The following CYP4Z1 variants were observed in gnomAD, a reference collection of about 807,000 sequenced individuals.
The protein encoded by CYP4Z1 is cytochrome P450 family 4 subfamily Z member 1.
A neutral mutation model predicts 54.2 loss-of-function variants in CYP4Z1; 41 were observed. The ratio of observed to expected loss-of-function variants is 0.76; its 90% CI spans 0.59 to 0.98. CYP4Z1 has a LOEUF of 0.98. Among genes scored for constraint, CYP4Z1 ranks in the 50% least tolerant of loss-of-function variants. The pLI, the probability that CYP4Z1 is intolerant of heterozygous loss-of-function variation, is 0.00. For synonymous variants in CYP4Z1, 163 were observed against 206.2 expected (o/e 0.79, Z 1.79); for missense variants, 513 against 599.0 (o/e 0.86, Z 1.50).
intron 9 of CYP4Z1, among the ~76,000 whole-genome samples, chr1:47,114,996 C>G (rs569926091): frequency 6.6e-6 from 1 of 152,098 alleles, no homozygotes; most frequent in Non-Finnish European, 1.5e-5. Context: ...CACATGCACA[C>G]GTATGTTTAT....
At chr1:47,091,915 G>A (rs944652547) in intron 6 of CYP4Z1, among the ~76,000 whole-genome samples, 5 of 150,952 alleles carry the variant, frequency 3.3e-5, no homozygotes, top group South Asian at 4.2e-4. Flanking sequence ...TGGAGTTAAA[G>A]GGGAGAAAGG....
At chr1:47,101,195 A>G (rs1644719072) in intron 8 of CYP4Z1, among the ~76,000 whole-genome samples, 1 of 151,926 alleles carries the variant, frequency 6.6e-6, no homozygotes. Context: ...TCTTTCAAAA[A>G]CCAACTTTCA....
chr1:47,087,199 A>T (rs1232832697), intron 6 of CYP4Z1, among the ~76,000 whole-genome samples: 1 of 152,076 alleles, frequency 6.6e-6, no homozygotes, highest in Non-Finnish European at 1.5e-5. Flanking sequence ...TTCCATATGA[A>T]CTTTAAAGTA....
chr1:47,115,538 T>G lies in CYP4Z1; in HGVS notation c.1211T>G (p.Val404Gly). 6.2e-7 allele frequency: 1 copy of G among 1,613,346 alleles called. No homozygotes were observed. Among genetic ancestry groups the G allele is most frequent in the African/African-American group, 1.3e-5 (1 of 74,912 alleles). ...TCTTCTGTTTACTCAGGAATAACTG[T>G]GTTTATCAATATTTGGGCTCTTCAC... ...DGRSLPAGITVFINIWALHHN... is the reference protein window; with the variant it reads ...DGRSLPAGITGFINIWALHHN... The change falls in exon 10 of 12, where the codon GTG (valine) becomes GGG (glycine). Residue 404 changes from valine (V) to glycine (G), a missense_variant. Val to Gly is a moderately radical substitution (Grantham distance 109). Coordinates refer to ENST00000334194, the MANE Select transcript of CYP4Z1 (RefSeq NM_178134.3).
chr1:47,062,429 G>A (rs980278734), upstream of CYP4Z1, among the ~76,000 whole-genome samples: 1 of 152,156 alleles, frequency 6.6e-6, no homozygotes, highest in African/African-American at 2.4e-5. Flanking sequence ...GAGGAGGCTC[G>A]TGGTCTGGAG....
At chr1:47,092,744 C>G (rs1294725934) in intron 6 of CYP4Z1, among the ~76,000 whole-genome samples, 1 of 151,672 alleles carries the variant, frequency 6.6e-6, no homozygotes, top group Non-Finnish European at 1.5e-5. Context: ...GCTTGCAGAG[C>G]TGCCTGATTT....
intron 2 of CYP4Z1, among the ~76,000 whole-genome samples, chr1:47,069,194 C>T (rs1644474447): frequency 6.6e-6 from 1 of 152,258 alleles, no homozygotes; most frequent in Non-Finnish European, 1.5e-5. Flanking sequence ...TGGCCAGTGC[C>T]AGGTTGGAGG....
At chr1:47,104,796 G>A (rs1001010134) in intron 8 of CYP4Z1, among the ~76,000 whole-genome samples, 18 of 152,136 alleles carry the variant, frequency 1.2e-4, no homozygotes, top group Non-Finnish European at 2.1e-4. Flanking sequence ...AGTAGTGTAT[G>A]CAGGTGCTGG....
chr1:47,083,718 T>TCCTCTCTTC (rs1644571898), intron 4 of CYP4Z1, among the ~76,000 whole-genome samples: 2 of 152,174 alleles, frequency 1.3e-5, no homozygotes, highest in Non-Finnish European at 2.9e-5. Flanking sequence ...CACCCTGAAC[T>TCCTCTCTTC]GATGCACCTC....
chr1:47,108,789 C>T (rs542031165), intron 9 of CYP4Z1, among the ~76,000 whole-genome samples: 1 of 152,170 alleles, frequency 6.6e-6, no homozygotes, highest in African/African-American at 2.4e-5. Flanking sequence ...CCTATTCCTC[C>T]TCCTGGATTG....
intron 2 of CYP4Z1, among the ~76,000 whole-genome samples, chr1:47,074,617 CA>C (rs2148526260): frequency 6.6e-6 from 1 of 152,098 alleles, no homozygotes; most frequent in South Asian, 2.1e-4. Flanking sequence ...CCATTCTCCC[CA>C]TTGAATGGTA....
upstream of CYP4Z1, among the ~76,000 whole-genome samples, chr1:47,065,457 T>C (rs1347714856): frequency 7.9e-5 from 12 of 152,016 alleles, no homozygotes; most frequent in African/African-American, 1.4e-4. Context: ...GAAATCAAGA[T>C]GGAAATTTAA....
intron 8 of CYP4Z1, among the ~76,000 whole-genome samples, chr1:47,102,024 C>T (rs1215937189): frequency 1.3e-5 from 2 of 152,042 alleles, no homozygotes; most frequent in Non-Finnish European, 2.9e-5. Context: ...CTTTCTATGT[C>T]TTTTTTACTA....
At chr1:47,059,771 G>T in the CYP4Z1 span, among the ~76,000 whole-genome samples, 1 of 152,156 alleles carries the variant, frequency 6.6e-6, no homozygotes, top group African/African-American at 2.4e-5. Context: ...TGTTTCCTAA[G>T]CATCCCCTGG....
chr1:47,087,174 A>T (rs1346911139), intron 6 of CYP4Z1, among the ~76,000 whole-genome samples: 1 of 152,066 alleles, frequency 6.6e-6, no homozygotes, highest in Non-Finnish European at 1.5e-5. Flanking sequence ...CTTGGCAATG[A>T]GGGCTCTTTT....
At chr1:47,102,182 G>C (rs1644726434) in intron 8 of CYP4Z1, among the ~76,000 whole-genome samples, 2 of 152,006 alleles carry the variant, frequency 1.3e-5, no homozygotes, top group Admixed American at 1.3e-4. Flanking sequence ...CATATAGTTG[G>C]GTCATGTTTT....
chr1:47,108,559 G>A (rs111956208), intron 9 of CYP4Z1, among the ~76,000 whole-genome samples: 1,877 of 151,140 alleles, frequency 0.012, 41 homozygotes, highest in African/African-American at 0.044. Context: ...ACACCTCACA[G>A]TATCACTTAC....
chr1:47,055,615 C>A, the CYP4Z1 span, among the ~76,000 whole-genome samples: 15 of 152,140 alleles, frequency 9.9e-5, no homozygotes, highest in Non-Finnish European at 1.6e-4. Flanking sequence ...CTGGTCTATT[C>A]AGAGATTCAA....
Position 47,068,520 on chromosome 1 carries a change from G to A in CYP4Z1, c.178-102G>A, listed in dbSNP as rs1446933568. 3 of 1,415,206 alleles carry A rather than the reference G, an allele frequency of 2.1e-6. No individual in the cohort carries two copies. In the East Asian group the frequency reaches 6.9e-5, roughly 32 times the overall value. The allele number at this position is 1,415,206 out of a possible 1,614,324, so 87.7% of individuals were successfully genotyped here. ...CAGATGTGAACCTGTCTGATGGGGT[G>A]GTGTCCACAGATCCTCAACTTAGCA... On this transcript the variant is annotated intron_variant, in intron 1 of 11. Coordinates refer to ENST00000334194, the MANE Select transcript of CYP4Z1 (RefSeq NM_178134.3).
Sources: gnomAD v4.1 joint callset for allele counts (sites outside exome capture counted in the v4.1 genomes callset) on GRCh38, gnomAD v4.1.1 for gene constraint, MANE v1.5 for transcripts, NCBI Gene and HGNC (gene_info 2026-07-23, HGNC 2026-07-21) for gene names.